The following PCDH15 variants were observed in gnomAD, a reference collection of about 807,000 sequenced individuals.
PCDH15 encodes protocadherin related 15.
PCDH15 carries 129 observed loss-of-function variants against 178.5 expected under a neutral mutation model. The observed-to-expected ratio is 0.72, with a 90% confidence interval of 0.63 to 0.84. The LOEUF (loss-of-function observed/expected upper bound fraction) is 0.84. Ranked by LOEUF, PCDH15 falls within the 40% of genes least tolerant of loss-of-function variation. The pLI is 0.00. For synonymous variants in PCDH15, 800 were observed against 732.0 expected, an observed-to-expected ratio of 1.09 and a Z score of -1.50; for missense variants, 2,230 against 2,099.9, an observed-to-expected ratio of 1.06 and a Z score of -1.21.
intron 2 of PCDH15, among the ~76,000 whole-genome samples, chr10:55,438,428 G>A (rs959384975): frequency 4.6e-5 from 7 of 152,060 alleles, no homozygotes; most frequent in African/African-American, 1.4e-4. Context: ...TATCTACATT[G>A]TTTTATAGCT....
intron 2 of PCDH15, among the ~76,000 whole-genome samples, chr10:55,048,503 A>G (rs185596723): frequency 6.6e-6 from 1 of 152,046 alleles, no homozygotes; most frequent in East Asian, 1.9e-4. Flanking sequence ...CATAGCATTA[A>G]TTGTTTTTAA....
chr10:55,246,498 T>A (rs748068685), intron 1 of PCDH15, among the ~76,000 whole-genome samples: 28 of 152,182 alleles, frequency 1.8e-4, no homozygotes, highest in Non-Finnish European at 2.8e-4. Context: ...AACAAAGCAC[T>A]CAAATTGGAA....
At chr10:55,578,294 T>A (rs1465341884) in intron 2 of PCDH15, among the ~76,000 whole-genome samples, 1 of 152,168 alleles carries the variant, frequency 6.6e-6, no homozygotes, top group Non-Finnish European at 1.5e-5. Context: ...TTCAGCTCAC[T>A]GCAATCTCCA....
chr10:54,015,765 G>T (rs553658098), intron 20 of PCDH15, among the ~76,000 whole-genome samples: 1 of 152,190 alleles, frequency 6.6e-6, no homozygotes, highest in East Asian at 1.9e-4. Flanking sequence ...ACGGATTGAA[G>T]ACTTCAATGT....
At chr10:54,902,770 C>A (rs1954658194) in intron 2 of PCDH15, among the ~76,000 whole-genome samples, 2 of 152,082 alleles carry the variant, frequency 1.3e-5, no homozygotes, top group Non-Finnish European at 2.9e-5. Flanking sequence ...TAAATAAATT[C>A]ATGGAATGTT....
intron 3 of PCDH15, among the ~76,000 whole-genome samples, chr10:54,489,751 A>T (rs2079412936): frequency 6.6e-6 from 1 of 152,166 alleles, no homozygotes; most frequent in Non-Finnish European, 1.5e-5. Context: ...AATATATATT[A>T]TACCTTAATA....
At chr10:54,333,116 T>A (rs11004243) in intron 6 of PCDH15, among the ~76,000 whole-genome samples, 1 of 151,990 alleles carries the variant, frequency 6.6e-6, no homozygotes, top group Non-Finnish European at 1.5e-5. Flanking sequence ...CTAATTTTTA[T>A]TTTTTACTTT....
chr10:54,287,702 T>C (rs543668404), intron 8 of PCDH15, among the ~76,000 whole-genome samples: 1 of 152,334 alleles, frequency 6.6e-6, no homozygotes, highest in East Asian at 1.9e-4. Flanking sequence ...CTGTTTAATA[T>C]TCATGCAATT....
intron 2 of PCDH15, among the ~76,000 whole-genome samples, chr10:55,562,876 A>C (rs1842228571): frequency 6.6e-6 from 1 of 152,048 alleles, no homozygotes; most frequent in African/African-American, 2.4e-5. Flanking sequence ...TTTACACATA[A>C]GTAATAATTA....
chr10:54,414,708 C>T (rs1345809933), intron 3 of PCDH15, among the ~76,000 whole-genome samples: 1 of 151,968 alleles, frequency 6.6e-6, no homozygotes, highest in Non-Finnish European at 1.5e-5. Context: ...TAGATACATG[C>T]CATTATCAGC....
intron 18 of PCDH15, among the ~76,000 whole-genome samples, chr10:54,054,077 G>C (rs1248486485): frequency 6.6e-6 from 1 of 152,072 alleles, no homozygotes; most frequent in Non-Finnish European, 1.5e-5. Flanking sequence ...TTCAGAAGGA[G>C]CCCTTTCTGG....
At chr10:55,151,469 T>A (rs1838710262) in intron 2 of PCDH15, among the ~76,000 whole-genome samples, 1 of 152,074 alleles carries the variant, frequency 6.6e-6, no homozygotes. Flanking sequence ...TAAATACTAG[T>A]GATCTAAAAA....
chr10:55,465,351 T>G (rs1203219037), intron 2 of PCDH15, among the ~76,000 whole-genome samples: 1 of 152,184 alleles, frequency 6.6e-6, no homozygotes, highest in Non-Finnish European at 1.5e-5. Context: ...TTCCCAGGAC[T>G]ATTGCGTAAA....
At chr10:55,530,205 C>T (rs1395169607) in intron 2 of PCDH15, among the ~76,000 whole-genome samples, 1 of 151,722 alleles carries the variant, frequency 6.6e-6, no homozygotes, top group African/African-American at 2.4e-5. Context: ...GAGCAGAACC[C>T]CTGTATTTGG....
rs1838357304 is a variant in PCDH15 at position 55,141,709 on chromosome 10, T to G, written c.-80+24867A>C. On this transcript the variant is annotated intron_variant, in intron 2 of 5. Transcript: ENST00000458638. Reference sequence around the variant, plus strand: ...CACCTTAACTGTTAATTCAGTACATTACAATTTTTGTAAGCTGTTCAACAT... The same window carrying G: ...CACCTTAACTGTTAATTCAGTACATGACAATTTTTGTAAGCTGTTCAACAT... 2.0e-5 allele frequency among the ~76,000 whole-genome samples: 3 copies of G among 152,204 alleles called. No homozygotes were observed. In the South Asian group the frequency reaches 6.2e-4, roughly 32 times the overall value.
intron 2 of PCDH15, among the ~76,000 whole-genome samples, chr10:55,387,326 C>CT (rs1837687383): frequency 6.6e-6 from 1 of 152,064 alleles, no homozygotes; most frequent in Non-Finnish European, 1.5e-5. Context: ...CAGAATTATG[C>CT]TAAATATGGC....
At chr10:55,152,224 C>T (rs965226184) in intron 2 of PCDH15, among the ~76,000 whole-genome samples, 27 of 152,040 alleles carry the variant, frequency 1.8e-4, no homozygotes, top group Non-Finnish European at 2.8e-4. Context: ...TAGTCTGAAG[C>T]TACATCTCAT....
At chr10:54,905,860 T>A (rs1490985669) in intron 2 of PCDH15, among the ~76,000 whole-genome samples, 2 of 152,148 alleles carry the variant, frequency 1.3e-5, no homozygotes, top group African/African-American at 4.8e-5. Flanking sequence ...TTCAATAGGA[T>A]AAGCCACTTT....
intron 15 of PCDH15, among the ~76,000 whole-genome samples, chr10:54,112,190 T>C (rs1050490572): frequency 4.0e-5 from 6 of 151,828 alleles, no homozygotes; most frequent in African/African-American, 9.7e-5. Context: ...TTCTACCTCA[T>C]TCCTCTGGCG....
Sources: gnomAD v4.1 joint callset for allele counts (sites outside exome capture counted in the v4.1 genomes callset) on GRCh38, gnomAD v4.1.1 for gene constraint, MANE v1.5 for transcripts, NCBI Gene and HGNC (gene_info 2026-07-23, HGNC 2026-07-21) for gene names.